The following FSTL5 variants were observed in gnomAD, a reference collection of about 807,000 sequenced individuals.
The protein encoded by FSTL5 is follistatin like 5.
In FSTL5, 62 loss-of-function variants were observed where a neutral mutation model predicts 89.1. The observed-to-expected ratio is 0.70, with a 90% CI of 0.57 to 0.86. The LOEUF (loss-of-function observed/expected upper bound fraction) is 0.86. Ranked by LOEUF, FSTL5 falls within the 40% of genes least tolerant of loss-of-function variation. FSTL5 has a pLI of 0.00. For synonymous variants in FSTL5, 383 were observed against 346.2 expected, an observed-to-expected ratio of 1.11 and a Z score of -1.18; for missense variants, 1,057 against 1,001.6, an observed-to-expected ratio of 1.06 and a Z score of -0.75.
chr4:162,143,878 C>G (rs976597532), intron 1 of FSTL5, among the ~76,000 whole-genome samples: 1 of 151,804 alleles, frequency 6.6e-6, no homozygotes, highest in Non-Finnish European at 1.5e-5. Context: ...GCAGAACTAT[C>G]TCAAGTTTTT....
chr4:161,876,138 A>T (rs1732434380), intron 4 of FSTL5, among the ~76,000 whole-genome samples: 1 of 152,212 alleles, frequency 6.6e-6, no homozygotes, highest in Non-Finnish European at 1.5e-5. Flanking sequence ...TCCAAGCAAA[A>T]ATATCCTTCT....
chr4:161,611,208 G>A (rs11944397), intron 7 of FSTL5, among the ~76,000 whole-genome samples: 2 of 131,288 alleles, frequency 1.5e-5, no homozygotes, highest in Admixed American at 8.3e-5. Context: ...GTATATATAT[G>A]TGTATATGTG....
At chr4:162,083,366 A>G (rs898854000) in intron 2 of FSTL5, among the ~76,000 whole-genome samples, 2 of 151,806 alleles carry the variant, frequency 1.3e-5, no homozygotes, top group African/African-American at 4.8e-5. Context: ...TCTCACAGGG[A>G]TGAATGATAT....
chr4:161,415,028 T>C (rs1230879466), intron 15 of FSTL5, among the ~76,000 whole-genome samples: 2 of 152,208 alleles, frequency 1.3e-5, no homozygotes, highest in Admixed American at 6.5e-5. Context: ...AAATCTGATA[T>C]ATTGTAGGTG....
intron 8 of FSTL5, chr4:161,552,382 A>T (rs1188322663): frequency 6.6e-6 from 1 of 151,764 alleles, no homozygotes; most frequent in Non-Finnish European, 1.5e-5. Context: ...GAGACAGCCT[A>T]AATCTGAGAA....
intron 6 of FSTL5, among the ~76,000 whole-genome samples, chr4:161,685,228 C>T (rs545448026): frequency 5.9e-5 from 9 of 151,974 alleles, no homozygotes; most frequent in African/African-American, 1.9e-4. Flanking sequence ...TTTGTTTATG[C>T]CGGCACTTTT....
intron 4 of FSTL5, among the ~76,000 whole-genome samples, chr4:161,896,536 A>C (rs1733163654): frequency 6.6e-6 from 1 of 152,160 alleles, no homozygotes; most frequent in South Asian, 2.1e-4. Context: ...TCATGTCTTC[A>C]GTTTTGTTTT....
At chr4:161,613,751 T>C (rs1249971112) in intron 7 of FSTL5, among the ~76,000 whole-genome samples, 3 of 152,170 alleles carry the variant, frequency 2.0e-5, no homozygotes, top group Non-Finnish European at 4.4e-5. Flanking sequence ...GAATTACACA[T>C]TGTGTAAAAT....
chr4:161,414,249 G>A (rs887018998), intron 15 of FSTL5, among the ~76,000 whole-genome samples: 1 of 152,122 alleles, frequency 6.6e-6, no homozygotes, highest in African/African-American at 2.4e-5. Context: ...CACTGATGAT[G>A]TAGAATCCTG....
intron 3 of FSTL5, among the ~76,000 whole-genome samples, chr4:161,986,134 C>T (rs1040334674): frequency 2.6e-5 from 4 of 152,096 alleles, no homozygotes; most frequent in African/African-American, 7.2e-5. Flanking sequence ...ATCTGCACAC[C>T]TCATTCTCTT....
At chr4:161,685,371 A>C (rs938537566) in intron 6 of FSTL5, among the ~76,000 whole-genome samples, 3 of 152,158 alleles carry the variant, frequency 2.0e-5, no homozygotes, top group African/African-American at 7.2e-5. Flanking sequence ...GATTCTACCC[A>C]TCCATGAGCA....
chr4:162,017,946 T>C (rs1261197199), intron 3 of FSTL5, among the ~76,000 whole-genome samples: 2 of 152,172 alleles, frequency 1.3e-5, no homozygotes, highest in Non-Finnish European at 1.5e-5. Context: ...TGTGGGTTCC[T>C]ATCTCGAGCC....
At chr4:161,895,765 T>C (rs1400316122) in intron 4 of FSTL5, among the ~76,000 whole-genome samples, 2 of 152,148 alleles carry the variant, frequency 1.3e-5, no homozygotes, top group African/African-American at 2.4e-5. Context: ...ATTAGGATTG[T>C]TTTTTGCATA....
intron 6 of FSTL5, among the ~76,000 whole-genome samples, chr4:161,686,327 T>C (rs1737723258): frequency 1.2e-4 from 1 of 8,142 alleles, no homozygotes; most frequent in Non-Finnish European, 3.2e-4. Flanking sequence ...TATATATATA[T>C]ATATATATAT....
chr4:161,457,972 C>A (rs1733422568), intron 14 of FSTL5, among the ~76,000 whole-genome samples: 1 of 152,156 alleles, frequency 6.6e-6, no homozygotes, highest in Admixed American at 6.5e-5. Context: ...GCTTTATATG[C>A]ATTTTGAAGC....
chr4:162,105,163 ACCATCAG>A (rs528000406), intron 2 of FSTL5, among the ~76,000 whole-genome samples: 214 of 152,282 alleles, frequency 1.4e-3, no homozygotes, highest in African/African-American at 5.0e-3. Context: ...AATGATCATC[ACCATCAG>A]TTAACATATC....
intron 1 of FSTL5, among the ~76,000 whole-genome samples, chr4:162,126,311 T>C (rs1188271185): frequency 2.6e-5 from 4 of 152,054 alleles, no homozygotes; most frequent in African/African-American, 9.7e-5. Flanking sequence ...AAATTATTAA[T>C]TGAAATAATA....
chr4:162,116,584 TG>T (rs1731649328), intron 1 of FSTL5, among the ~76,000 whole-genome samples: 2 of 152,246 alleles, frequency 1.3e-5, no homozygotes, highest in African/African-American at 2.4e-5. Flanking sequence ...GGCTGGAGGT[TG>T]GGGAGGCTAC....
At chr4:161,507,478 C>A (rs548638381) in intron 11 of FSTL5, among the ~76,000 whole-genome samples, 1 of 151,504 alleles carries the variant, frequency 6.6e-6, no homozygotes, top group Non-Finnish European at 1.5e-5. Context: ...CAGGCTTGAA[C>A]CTTCTAGATT....
Sources: allele counts gnomAD v4.1 joint callset (sites outside exome capture counted in the v4.1 genomes callset), GRCh38; gene constraint gnomAD v4.1.1; transcripts MANE v1.5; gene names NCBI Gene and HGNC (gene_info 2026-07-23, HGNC 2026-07-21).